Variants in RSBN1 observed in about 807,000 individuals in gnomAD.
RSBN1 encodes the protein lysine-specific demethylase 9.
Under a neutral mutation model 74.8 loss-of-function variants are expected in RSBN1, and 23 were observed. The observed-to-expected ratio is 0.31, with a 90% CI of 0.22 to 0.44. The LOEUF (loss-of-function observed/expected upper bound fraction) is 0.44. RSBN1 is among the 20% of genes least tolerant of loss of function. The pLI is 1.00. For missense variants in RSBN1, 808 were observed against 1,020.9 expected (o/e 0.79, Z 2.84); for synonymous variants, 407 against 379.6 (o/e 1.07, Z -0.84).
chr1:113,795,624 C>T (rs1660455674), intron 2 of RSBN1, among the ~76,000 whole-genome samples: 1 of 152,156 alleles, frequency 6.6e-6, no homozygotes, highest in Admixed American at 6.5e-5. Flanking sequence ...CGTTTAATAT[C>T]TAATTTAATC....
At chr1:113,789,911 GA>G (rs1660332605) in intron 2 of RSBN1, among the ~76,000 whole-genome samples, 1 of 152,088 alleles carries the variant, frequency 6.6e-6, no homozygotes, top group Admixed American at 6.5e-5. Context: ...AAACAATGTT[GA>G]ACAAAAATAA....
intron 2 of RSBN1, among the ~76,000 whole-genome samples, chr1:113,779,657 C>T (rs185896993): frequency 7.3e-4 from 111 of 152,274 alleles, no homozygotes; most frequent in African/African-American, 2.5e-3. Context: ...TCTAAGCACT[C>T]TAAAACAACT....
intron 2 of RSBN1, among the ~76,000 whole-genome samples, chr1:113,789,016 T>G (rs962549325): frequency 7.2e-5 from 11 of 152,190 alleles, no homozygotes; most frequent in African/African-American, 2.7e-4. Context: ...CTGGTCTTCA[T>G]CCCTATTTCC....
At chr1:113,779,934 T>C (rs1660104566) in intron 2 of RSBN1, among the ~76,000 whole-genome samples, 1 of 151,866 alleles carries the variant, frequency 6.6e-6, no homozygotes, top group African/African-American at 2.4e-5. Flanking sequence ...GGCAGAGAAC[T>C]GCTTGAACAT....
intron 2 of RSBN1, among the ~76,000 whole-genome samples, chr1:113,785,477 T>G (rs183512675): frequency 6.6e-6 from 1 of 152,212 alleles, no homozygotes; most frequent in East Asian, 1.9e-4. Flanking sequence ...CAGCGTTACA[T>G]ATGCAGTCTG....
At chr1:113,784,121 A>G (rs576359467) in intron 2 of RSBN1, among the ~76,000 whole-genome samples, 1 of 152,328 alleles carries the variant, frequency 6.6e-6, no homozygotes, top group South Asian at 2.1e-4. Context: ...AAAGTATTTC[A>G]AAAGTATTTA....
rs1476232654 is a variant in RSBN1 at position 113,764,425 on chromosome 1, T to C, written c.*1555A>G. 1 of 152,702 alleles carries C rather than the reference T, an allele frequency of 6.5e-6. No homozygotes were observed. Among genetic ancestry groups the C allele is most frequent in the East Asian group, 1.9e-4 (1 of 5,312 alleles). 9.5% of individuals were successfully genotyped at this position (152,702 alleles called of 1,614,324 possible). A position where few individuals can be genotyped will look rare whatever the true frequency, so the allele number is the denominator to read the frequency against. ...ACTGCAGTATTTGCTGATGGTTACT[T>C]TTCTATCGGTTTACACAGTGACCTC... On this transcript the variant is annotated 3_prime_UTR_variant, in exon 7 of 7. Coordinates refer to ENST00000261441, the MANE Select transcript of RSBN1 (RefSeq NM_018364.5).
rs1660853987 is a variant in RSBN1, at chr1:113,811,712, C to T, written c.701G>A (p.Arg234Lys). 1 of 1,592,582 alleles carries T rather than the reference C, an allele frequency of 6.3e-7. No individual in the cohort carries two copies. Among genetic ancestry groups the T allele is most frequent in the Non-Finnish European group, 8.6e-7 (1 of 1,167,436 alleles). Residue 234 changes from arginine to lysine, a missense_variant and splice_region_variant, in exon 1 of 7, where the codon AGA (arginine) becomes AAA (lysine). Physicochemically the swap from Arg to Lys is conservative, Grantham distance 26. Coordinates refer to ENST00000261441, the MANE Select transcript of RSBN1 (RefSeq NM_018364.5). ...GGVPLIKAPK[R>K]ETPDENGKTQ... ...CCGGGCAGTTTGCCTGCTCTCACCT[C>T]TCTTGGGGGCTTTGATCAGAGGCAC... is the stretch of plus-strand genomic sequence containing the variant.
At chr1:113,784,273 G>C (rs1571301233) in intron 2 of RSBN1, among the ~76,000 whole-genome samples, 1 of 152,150 alleles carries the variant, frequency 6.6e-6, no homozygotes, top group Non-Finnish European at 1.5e-5. Flanking sequence ...AATACATTCT[G>C]AGAAATGTCA....
chr1:113,791,829 C>T (rs1184621435), intron 2 of RSBN1, among the ~76,000 whole-genome samples: 2 of 152,054 alleles, frequency 1.3e-5, no homozygotes, highest in African/African-American at 4.8e-5. Context: ...CATACAGTTC[C>T]TTAAGGGTTT....
chr1:113,785,412 T>C (rs1571301728), intron 2 of RSBN1, among the ~76,000 whole-genome samples: 1 of 152,176 alleles, frequency 6.6e-6, no homozygotes, highest in East Asian at 1.9e-4. Flanking sequence ...ATAAAAGGTA[T>C]AGTAAATATA....
intron 2 of RSBN1, among the ~76,000 whole-genome samples, chr1:113,792,414 C>G (rs1446542185): frequency 6.6e-6 from 1 of 152,130 alleles, no homozygotes; most frequent in East Asian, 1.9e-4. Flanking sequence ...CCAGAAAATG[C>G]AGACTATAAG....
intron 2 of RSBN1, among the ~76,000 whole-genome samples, chr1:113,792,063 G>A (rs1660377554): frequency 6.6e-6 from 1 of 152,102 alleles, no homozygotes; most frequent in Non-Finnish European, 1.5e-5. Flanking sequence ...TCATTTTATA[G>A]AGTAATAAAA....
In RSBN1 at chr1:113,766,450, C is replaced by T. The variant is rs766511378; in HGVS notation, c.1939G>A (p.Val647Ile). The T allele has an allele frequency of 2.8e-5, 45 of 1,580,254 alleles. No homozygotes were observed. The highest frequency in any genetic ancestry group is 4.5e-5 in the East Asian group (2 of 44,338). The change falls in exon 7 of 7, where the codon GTA (valine) becomes ATA (isoleucine). Residue 647 changes from valine (V) to isoleucine (I), a missense_variant. By Grantham distance (29) the Val-to-Ile change is conservative (BLOSUM62 3). Around this residue, in one of 6 missense-constraint regions of RSBN1, gnomAD observed 38 missense variants for 120.6 expected, o/e 0.32. Transcript: ENST00000261441. ...DLHEPPVSQCVQWVDEAKLNQ... is the reference protein window; with the variant it reads ...DLHEPPVSQCIQWVDEAKLNQ... Reference sequence around the variant, plus strand: ...AGTTTAGCTTCATCTACCCACTGTACGCACTGAAGAAAGAAAAAAGTTACG... The same window carrying T: ...AGTTTAGCTTCATCTACCCACTGTATGCACTGAAGAAAGAAAAAAGTTACG...
intron 4 of RSBN1, among the ~76,000 whole-genome samples, chr1:113,768,752 A>G (rs1242597708): frequency 8.9e-4 from 1 of 1,124 alleles, no homozygotes; most frequent in African/African-American, 9.4e-4. Flanking sequence ...GCCCTCACAC[A>G]GTTAACAAAA....
rs2101788523 is a variant in RSBN1 at position 113,766,325 on chromosome 1, T to C, written c.2064A>G (p.Thr688=). The change falls in exon 7 of 7, where the codon ACA becomes ACG. Residue 688 remains threonine (T), a synonymous_variant. Transcript: ENST00000261441. The stretch of plus-strand genomic sequence containing the variant: ...AGGCTAAGCTGCACACCGCCGAAAC[T>C]GTTTTGAACTGATGAATGACATTTC... ...IPRNVIHQFK[T]VSAVCSLAWH... 1 of 1,614,132 alleles carries C rather than the reference T, an allele frequency of 6.2e-7. No individual in the cohort carries two copies. The highest frequency in any genetic ancestry group is 8.5e-7 in the Non-Finnish European group (1 of 1,179,964).
At chr1:113,780,458 C>T (rs754819301) in intron 2 of RSBN1, among the ~76,000 whole-genome samples, 3 of 152,162 alleles carry the variant, frequency 2.0e-5, no homozygotes, top group Non-Finnish European at 2.9e-5. Context: ...AAGGTAAACA[C>T]CTAGAATAAT....
At chr1:113,774,987 A>G (rs934847212) in intron 4 of RSBN1, among the ~76,000 whole-genome samples, 1 of 152,014 alleles carries the variant, frequency 6.6e-6, no homozygotes, top group Non-Finnish European at 1.5e-5. Flanking sequence ...TTATGGCTAT[A>G]TATAATTTGA....
At chr1:113,788,452 A>AT (rs989770952) in intron 2 of RSBN1, among the ~76,000 whole-genome samples, 39 of 151,816 alleles carry the variant, frequency 2.6e-4, no homozygotes, top group African/African-American at 2.2e-4. Context: ...TTTCATAGTA[A>AT]TTTTTTTTAA....
Sources: allele counts gnomAD v4.1 joint callset (sites outside exome capture counted in the v4.1 genomes callset), GRCh38; gene constraint gnomAD v4.1.1; regional missense constraint gnomAD v4.1.1; transcripts MANE v1.5; gene names NCBI Gene and HGNC (gene_info 2026-07-23, HGNC 2026-07-21).